MYO16: variants seen among roughly 807,000 people sequenced by gnomAD.
The protein encoded by MYO16 is unconventional myosin-XVI.
MYO16 carries 94 observed loss-of-function variants against 205.3 expected under a neutral mutation model. The ratio of observed to expected loss-of-function variants is 0.46; its 90% CI spans 0.39 to 0.54. MYO16 has a LOEUF of 0.54. MYO16 is among the 20% of genes least tolerant of loss of function. The pLI, the probability that MYO16 is intolerant of heterozygous loss-of-function variation, is 0.00. For missense variants in MYO16, 2,315 were observed against 2,387.5 expected (o/e 0.97, Z 0.63); for synonymous variants, 988 against 954.0 (o/e 1.04, Z -0.66).
intron 32 of MYO16, among the ~76,000 whole-genome samples, chr13:109,152,936 A>G (rs985347336): frequency 1.3e-5 from 2 of 152,184 alleles, no homozygotes; most frequent in Non-Finnish European, 2.9e-5. Context: ...GGTGCCAGAC[A>G]TTGCATGGAA....
the MYO16 span, among the ~76,000 whole-genome samples, chr13:108,557,879 A>G: frequency 0.39 from 59,885 of 151,880 alleles, 12,958 homozygotes; most frequent in East Asian, 0.56. Context: ...ATTGTCCTAT[A>G]GTTATACAAA....
In MYO16 at chr13:109,125,025, G is replaced by T. The variant is rs926699078; in HGVS notation, c.3536-87G>T. 7.2e-7 allele frequency: 1 copy of T among 1,396,016 alleles called. No homozygotes were observed. The highest frequency in any genetic ancestry group is 9.9e-7 in the Non-Finnish European group (1 of 1,013,550). The allele number at this position is 1,396,016 out of a possible 1,614,324, so 86.5% of individuals were successfully genotyped here. A position where few individuals can be genotyped will look rare whatever the true frequency, so the allele number is the denominator to read the frequency against. On this transcript the variant is annotated intron_variant, in intron 29 of 34. Transcript: ENST00000457511. The surrounding 1 kb of genome is among the most constrained non-coding windows in gnomAD (Gnocchi z 4.0). The stretch of plus-strand genomic sequence containing the variant: ...ATGTACCTTATTCTACAACTGCTCA[G>T]AGATAAGTATATTATGATTTTTGTT...
intron 6 of MYO16, among the ~76,000 whole-genome samples, chr13:108,802,217 C>A (rs2138970671): frequency 6.6e-6 from 1 of 152,180 alleles, no homozygotes; most frequent in East Asian, 1.9e-4. Flanking sequence ...AACTTCGAAC[C>A]CTTCGACCAA....
intron 5 of MYO16, among the ~76,000 whole-genome samples, chr13:108,790,663 A>T: frequency 6.6e-6 from 1 of 152,172 alleles, no homozygotes; most frequent in East Asian, 1.9e-4. Context: ...ATTAACCAAA[A>T]GTGATTTGGG....
intron 34 of MYO16, among the ~76,000 whole-genome samples, chr13:109,198,114 TCATTAAC>T (rs1286663952): frequency 6.6e-6 from 1 of 152,168 alleles, no homozygotes; most frequent in African/African-American, 2.4e-5. Context: ...TGCTCTTTTC[TCATTAAC>T]CTACAACAGT....
chr13:108,789,037 T>C (rs542496618), intron 5 of MYO16, among the ~76,000 whole-genome samples: 2 of 152,330 alleles, frequency 1.3e-5, no homozygotes, highest in South Asian at 4.1e-4. Context: ...ACTTGCTGGT[T>C]CTCAAGAATA....
At chr13:108,980,852 TAC>T (rs1884426250) in intron 20 of MYO16, among the ~76,000 whole-genome samples, 1 of 152,226 alleles carries the variant, frequency 6.6e-6, no homozygotes, top group Non-Finnish European at 1.5e-5. Context: ...TGCTGATTAT[TAC>T]AGTTTACATT....
chr13:108,914,322 CAA>C (rs1010179154), intron 16 of MYO16, among the ~76,000 whole-genome samples: 4 of 151,500 alleles, frequency 2.6e-5, no homozygotes, highest in African/African-American at 9.7e-5. Flanking sequence ...TGATGTTTTT[CAA>C]AATAATATTG....
At chr13:108,751,131 C>T (rs1414331503) in intron 4 of MYO16, among the ~76,000 whole-genome samples, 1 of 152,042 alleles carries the variant, frequency 6.6e-6, no homozygotes, top group Non-Finnish European at 1.5e-5. Flanking sequence ...AAATCCATGA[C>T]ACTTTCATAG....
intron 10 of MYO16, among the ~76,000 whole-genome samples, chr13:108,845,833 C>G (rs1476926106): frequency 1.3e-5 from 2 of 152,096 alleles, no homozygotes; most frequent in African/African-American, 4.8e-5. Context: ...GCTTCTGCCT[C>G]AGCTTCAGAG....
intron 12 of MYO16, among the ~76,000 whole-genome samples, chr13:108,867,043 C>A (rs533627780): frequency 6.6e-6 from 1 of 151,818 alleles, no homozygotes; most frequent in Non-Finnish European, 1.5e-5. Context: ...CTCCACCCAT[C>A]TTATCAAAAG....
At chr13:109,172,606 A>G (rs1320838625) in intron 33 of MYO16, among the ~76,000 whole-genome samples, 3 of 152,164 alleles carry the variant, frequency 2.0e-5, no homozygotes, top group African/African-American at 7.2e-5. Flanking sequence ...CTCCCCGACC[A>G]TGGGCAAGTT....
At chr13:108,783,894 G>A (rs1459098470) in intron 4 of MYO16, among the ~76,000 whole-genome samples, 1 of 152,152 alleles carries the variant, frequency 6.6e-6, no homozygotes. Context: ...TTTGTTCCCA[G>A]TTTTGGGTAT....
At chr13:109,154,751 G>A (rs1429012083) in intron 32 of MYO16, among the ~76,000 whole-genome samples, 7 of 151,832 alleles carry the variant, frequency 4.6e-5, no homozygotes, top group African/African-American at 9.7e-5. Context: ...GCCACACATC[G>A]TGGCTCAGGA....
chr13:108,608,723 A>G (rs1000516145), intron 1 of MYO16, among the ~76,000 whole-genome samples: 1 of 151,924 alleles, frequency 6.6e-6, no homozygotes, highest in Non-Finnish European at 1.5e-5. Context: ...GCTCACTGCA[A>G]CCTCCGCCTC....
chr13:109,106,151 A>G (rs1324453642), intron 28 of MYO16, among the ~76,000 whole-genome samples: 1 of 152,364 alleles, frequency 6.6e-6, no homozygotes, highest in East Asian at 1.9e-4. Context: ...CGCAGCAGAT[A>G]TAGTTTTCTT....
chr13:108,815,164 T>TAG (rs1230758167), intron 7 of MYO16, among the ~76,000 whole-genome samples: 2 of 152,176 alleles, frequency 1.3e-5, no homozygotes, highest in East Asian at 3.9e-4. Flanking sequence ...CTTATGCAAA[T>TAG]AGAGAGGTAA....
chr13:108,747,317 GT>G (rs34894653), intron 4 of MYO16, among the ~76,000 whole-genome samples: 58,686 of 151,884 alleles, frequency 0.39, 11,767 homozygotes, highest in East Asian at 0.55. Context: ...TCTATTTAAA[GT>G]AATGATAACA....
the MYO16 span, among the ~76,000 whole-genome samples, chr13:108,505,024 T>C: frequency 1.3e-5 from 2 of 152,238 alleles, no homozygotes; most frequent in South Asian, 4.1e-4. Context: ...TCCATTGTTA[T>C]GGGTAGGCCA....
Sources: allele counts gnomAD v4.1 joint callset (sites outside exome capture counted in the v4.1 genomes callset), GRCh38; gene constraint gnomAD v4.1.1; non-coding constraint Gnocchi (gnomAD v3.1); transcripts MANE v1.5; gene names NCBI Gene and HGNC (gene_info 2026-07-23, HGNC 2026-07-21).